Variants in MCCC1 observed in about 807,000 individuals in gnomAD.
MCCC1 encodes the protein methylcrotonyl-CoA carboxylase subunit 1.
In MCCC1, 64 loss-of-function variants were observed where a neutral mutation model predicts 83.8. That is an observed-to-expected ratio of 0.76 (90% CI 0.62 to 0.94). MCCC1 has a LOEUF of 0.94. Ranked by LOEUF, MCCC1 falls within the 40% of genes least tolerant of loss-of-function variation. The pLI, the probability that MCCC1 is intolerant of heterozygous loss-of-function variation, is 0.00. For synonymous variants in MCCC1, 322 were observed against 315.4 expected (o/e 1.02, Z -0.22); for missense variants, 807 against 904.7 (o/e 0.89, Z 1.39).
chr3:183,056,876 T>C (rs1397573891), intron 8 of MCCC1, among the ~76,000 whole-genome samples: 1 of 152,154 alleles, frequency 6.6e-6, no homozygotes, highest in Non-Finnish European at 1.5e-5. Flanking sequence ...GTATTTTTAG[T>C]AGAGATGGGG....
intron 8 of MCCC1, 148 bp downstream of exon 8, chr3:183,057,163 G>T: frequency 1.4e-6 from 1 of 694,548 alleles, no homozygotes. Flanking sequence ...TACCACAGGA[G>T]GTCTTTTCAC....
rs116431971 is a variant in MCCC1, at chr3:183,088,907, G to A, written c.274-2119C>T. Among the ~76,000 whole-genome samples the A allele has an allele frequency of 3.3e-3, 495 of 152,116 alleles. 2 individuals carry two copies. The highest frequency in any genetic ancestry group is 0.011 in the African/African-American group (456 of 41,474). Reference sequence around the variant, plus strand: ...CATTTAATCATGTATCTCTTAATGCGCACTTAGGTTATAACGGCAAAAAAC... The same window carrying A: ...CATTTAATCATGTATCTCTTAATGCACACTTAGGTTATAACGGCAAAAAAC... On this transcript the variant is annotated intron_variant, in intron 3 of 18. Transcript: ENST00000265594.
At chr3:183,102,266 T>A (rs151210120), upstream of MCCC1, among the ~76,000 whole-genome samples, 6 of 152,194 alleles carry the variant, frequency 3.9e-5, no homozygotes, top group East Asian at 1.2e-3. Flanking sequence ...CTCGGGAGAC[T>A]GAGGCAGGAT....
At chr3:183,081,259 T>C (rs1490249392) in intron 4 of MCCC1, among the ~76,000 whole-genome samples, 1 of 152,216 alleles carries the variant, frequency 6.6e-6, no homozygotes, top group African/African-American at 2.4e-5. Flanking sequence ...CAGGCATGTA[T>C]TGAGCTGCCA....
intron 14 of MCCC1, among the ~76,000 whole-genome samples, chr3:183,029,625 G>T (rs1712886204): frequency 6.6e-6 from 1 of 152,114 alleles, no homozygotes. Flanking sequence ...TAAAACAGTT[G>T]GTCATTCTCA....
chr3:183,088,216 T>G (rs142950914), intron 3 of MCCC1, among the ~76,000 whole-genome samples: 1 of 151,474 alleles, frequency 6.6e-6, no homozygotes, highest in East Asian at 1.9e-4. Flanking sequence ...GTGTGTTTTT[T>G]TTTTTTTTTG....
intron 1 of MCCC1, among the ~76,000 whole-genome samples, chr3:183,108,448 AG>A (rs1292618173): frequency 6.6e-6 from 1 of 152,222 alleles, no homozygotes; most frequent in Non-Finnish European, 1.5e-5. Flanking sequence ...GGTGTCTGCC[AG>A]GTTTCCTCAC....
chr3:183,112,797 G>T (rs1330812354), intron 1 of MCCC1, among the ~76,000 whole-genome samples: 2 of 152,050 alleles, frequency 1.3e-5, no homozygotes, highest in Non-Finnish European at 2.9e-5. Flanking sequence ...TTTGAAGGCT[G>T]GGCGCATTGG....
chr3:183,026,454 G>T (rs1311162114), intron 14 of MCCC1, among the ~76,000 whole-genome samples: 1 of 152,206 alleles, frequency 6.6e-6, no homozygotes, highest in Non-Finnish European at 1.5e-5. Context: ...GCTCATGCCT[G>T]TAATCCCAGC....
intron 1 of MCCC1, among the ~76,000 whole-genome samples, chr3:183,114,303 C>A (rs1719552981): frequency 6.6e-6 from 1 of 152,054 alleles, no homozygotes; most frequent in Non-Finnish European, 1.5e-5. Flanking sequence ...ACCCCCCGCC[C>A]CCCTTCCTAA....
chr3:183,034,209 G>C (rs1481338656), intron 13 of MCCC1, 132 bp from the exon 14 acceptor site: 5 of 654,616 alleles, frequency 7.6e-6, no homozygotes, highest in African/African-American at 1.8e-5. Context: ...CCAGCACTTT[G>C]GGAGGCCAAG....
intron 3 of MCCC1, among the ~76,000 whole-genome samples, chr3:183,090,602 T>A (rs375978710): frequency 2.6e-5 from 4 of 151,952 alleles, no homozygotes; most frequent in Non-Finnish European, 5.9e-5. Context: ...TTTTTTTTTT[T>A]CTTTGAGACA....
upstream of MCCC1, among the ~76,000 whole-genome samples, chr3:183,102,767 T>G (rs934097473): frequency 7.2e-5 from 5 of 69,904 alleles, no homozygotes; most frequent in South Asian, 6.2e-4. Flanking sequence ...AGTTTTTTTT[T>G]TTTTTTTTTT....
At chr3:183,087,744 A>AC (rs1718000694) in intron 3 of MCCC1, among the ~76,000 whole-genome samples, 1 of 148,968 alleles carries the variant, frequency 6.7e-6, no homozygotes, top group Non-Finnish European at 1.5e-5. Flanking sequence ...GGTGGTCGGC[A>AC]CCCGTAGTCC....
chr3:183,016,995 A>G (rs1577229430), intron 18 of MCCC1: 1 of 490,310 alleles, frequency 2.0e-6, no homozygotes, highest in East Asian at 3.9e-5. Flanking sequence ...AAATACCAAC[A>G]GTTAACATTC....
intron 1 of MCCC1, among the ~76,000 whole-genome samples, chr3:183,110,576 AGTGGAGACGGG>A (rs1719476073): frequency 6.6e-6 from 1 of 151,796 alleles, no homozygotes; most frequent in Non-Finnish European, 1.5e-5. Context: ...TGTATTTTTT[AGTGGAGACGGG>A]GTTTCACTGT....
chr3:183,080,511 T>C (rs918279028), intron 4 of MCCC1, among the ~76,000 whole-genome samples: 6 of 152,200 alleles, frequency 3.9e-5, no homozygotes, highest in African/African-American at 7.2e-5. Context: ...CACATTACTA[T>C]CAGCATTTTG....
intron 1 of MCCC1, among the ~76,000 whole-genome samples, chr3:183,097,906 T>C (rs569980771): frequency 6.6e-6 from 1 of 152,110 alleles, no homozygotes; most frequent in African/African-American, 2.4e-5. Context: ...ACACCAACTT[T>C]TTTTTTTATT....
intron 1 of MCCC1, among the ~76,000 whole-genome samples, chr3:183,106,995 A>G (rs1719416944): frequency 6.6e-6 from 1 of 152,154 alleles, no homozygotes; most frequent in Admixed American, 6.5e-5. Context: ...TTCCTAAAAC[A>G]AGGAGATTTT....
Sources: gnomAD v4.1 joint callset for allele counts (sites outside exome capture counted in the v4.1 genomes callset) on GRCh38, gnomAD v4.1.1 for gene constraint, MANE v1.5 for transcripts, NCBI Gene and HGNC (gene_info 2026-07-23, HGNC 2026-07-21) for gene names.